Variants in MTHFD1L observed in about 807,000 individuals in gnomAD.
MTHFD1L encodes the protein monofunctional C1-tetrahydrofolate synthase, mitochondrial.
In MTHFD1L, 81 loss-of-function variants were observed where a neutral mutation model predicts 119.5. That is an observed-to-expected ratio of 0.68 (90% CI 0.57 to 0.82). The LOEUF is 0.82. Among genes scored for constraint, MTHFD1L ranks in the 40% least tolerant of loss-of-function variants. The pLI, the probability that MTHFD1L is intolerant of heterozygous loss-of-function variation, is 0.00. For missense variants in MTHFD1L, 1,125 were observed against 1,253.4 expected, an observed-to-expected ratio of 0.90 and a Z score of 1.55; for synonymous variants, 430 against 475.2, an observed-to-expected ratio of 0.90 and a Z score of 1.24.
chr6:151,024,073 C>A (rs568643415), intron 24 of MTHFD1L, among the ~76,000 whole-genome samples: 1 of 151,728 alleles, frequency 6.6e-6, no homozygotes, highest in Non-Finnish European at 1.5e-5. Context: ...CACAGGCTTC[C>A]AGTCTCCCCA....
At chr6:150,995,514 C>CA (rs71737990) in intron 20 of MTHFD1L, among the ~76,000 whole-genome samples, 23,808 of 114,582 alleles carry the variant, frequency 0.21, 2,311 homozygotes, top group Middle Eastern at 0.34. Flanking sequence ...AACTCCGTCT[C>CA]AAAAAAAAAA....
chr6:151,091,744 G>A (rs925097807), intron 26 of MTHFD1L, among the ~76,000 whole-genome samples: 9 of 152,056 alleles, frequency 5.9e-5, no homozygotes, highest in South Asian at 4.2e-4. Flanking sequence ...TGGCTGTGGC[G>A]GTATGGTAGT....
At chr6:151,054,258 G>C (rs1019654464) in intron 26 of MTHFD1L, among the ~76,000 whole-genome samples, 4 of 152,148 alleles carry the variant, frequency 2.6e-5, no homozygotes, top group African/African-American at 9.7e-5. Context: ...TCACGAAAAA[G>C]AACAGAAGGT....
chr6:151,069,197 G>A (rs1349305543), intron 26 of MTHFD1L, among the ~76,000 whole-genome samples: 1 of 151,082 alleles, frequency 6.6e-6, no homozygotes, highest in Non-Finnish European at 1.5e-5. Flanking sequence ...TTTTAGCCAC[G>A]GCTTCATTCC....
intron 7 of MTHFD1L, among the ~76,000 whole-genome samples, chr6:150,900,852 G>A (rs943545419): frequency 6.6e-6 from 1 of 150,878 alleles, no homozygotes; most frequent in Non-Finnish European, 1.5e-5. Context: ...TGTCTCTACT[G>A]AAAATACAAA....
Position 150,921,652 on chromosome 6 carries a change from A to G in MTHFD1L, c.985-553A>G, listed in dbSNP as rs539117385. 1.3e-4 allele frequency among the ~76,000 whole-genome samples: 19 copies of G among 151,898 alleles called. No individual in the cohort carries two copies. In the East Asian group the frequency reaches 1.6e-3, roughly 12 times the overall value. ...AGCCTCAAACTTCTGGGCTCAAACA[A>G]TCCTCCCACCTCAGCCTCCCGAGTA... On this transcript the variant is annotated intron_variant, in intron 9 of 27. Coordinates refer to ENST00000367321, the MANE Select transcript of MTHFD1L (RefSeq NM_015440.5).
At chr6:151,090,896 CCCATGCGACTGGGTGCAGCATCGTT>C (rs1562651236) in intron 26 of MTHFD1L, among the ~76,000 whole-genome samples, 16 of 66,340 alleles carry the variant, frequency 2.4e-4, no homozygotes, top group African/African-American at 4.0e-4. Flanking sequence ...GCAGCATTGC[CCCATGCGACTGGGTGCAGCATCGTT>C]CCATGCGACT....
At chr6:151,031,608 T>C (rs1341791100) in intron 24 of MTHFD1L, among the ~76,000 whole-genome samples, 1 of 152,276 alleles carries the variant, frequency 6.6e-6, no homozygotes, top group African/African-American at 2.4e-5. Context: ...TTTGACTTTA[T>C]AAATACTTGC....
At chr6:151,018,327 C>T (rs999608605) in intron 24 of MTHFD1L, among the ~76,000 whole-genome samples, 2 of 152,098 alleles carry the variant, frequency 1.3e-5, no homozygotes, top group African/African-American at 4.8e-5. Context: ...AGCTTAGCAG[C>T]GTTGTTGATA....
At chr6:151,073,914 T>C (rs1247122862) in intron 26 of MTHFD1L, among the ~76,000 whole-genome samples, 1 of 152,062 alleles carries the variant, frequency 6.6e-6, no homozygotes, top group Non-Finnish European at 1.5e-5. Context: ...GAAGAAATAA[T>C]GGGCAAAACG....
At chr6:150,979,268 G>A (rs1444300551) in intron 20 of MTHFD1L, among the ~76,000 whole-genome samples, 3 of 152,162 alleles carry the variant, frequency 2.0e-5, no homozygotes, top group African/African-American at 7.2e-5. Context: ...TGGGTGAGCT[G>A]TCTACAGCAG....
chr6:151,046,004 G>C (rs1282997704), intron 26 of MTHFD1L, among the ~76,000 whole-genome samples: 1 of 152,174 alleles, frequency 6.6e-6, no homozygotes, highest in Non-Finnish European at 1.5e-5. Context: ...ATATTGACAA[G>C]AAGAAGAAAG....
intron 19 of MTHFD1L, among the ~76,000 whole-genome samples, chr6:150,966,173 G>A (rs1185242017): frequency 1.3e-5 from 2 of 152,164 alleles, no homozygotes; most frequent in African/African-American, 4.8e-5. Context: ...AACTACCTGA[G>A]ACTGGGTAAT....
At chr6:150,947,725 T>G (rs1794216347) in intron 15 of MTHFD1L, among the ~76,000 whole-genome samples, 1 of 152,120 alleles carries the variant, frequency 6.6e-6, no homozygotes, top group Non-Finnish European at 1.5e-5. Context: ...ATCAATTATA[T>G]GGACAGACAG....
At chr6:151,001,212 G>C (rs1323482154) in intron 20 of MTHFD1L, among the ~76,000 whole-genome samples, 6 of 152,114 alleles carry the variant, frequency 3.9e-5, no homozygotes, top group Non-Finnish European at 8.8e-5. Context: ...GAGAAAAGTT[G>C]CTACCATTGT....
At position 150,888,890 on chromosome 6, in the gene MTHFD1L, A is replaced by G. The variant is rs184174668; in HGVS notation, c.780+909A>G. On this transcript the variant is annotated intron_variant, in intron 7 of 27. Transcript: ENST00000367321. ...ATCAGTGGGGAAAAGATTAACTATT[A>G]AAGGCCGGGCGTGGTGGCTCATGCC... 2.6e-3 allele frequency among the ~76,000 whole-genome samples: 403 copies of G among 152,216 alleles called. 1 individual carries two copies. Among genetic ancestry groups the G allele is most frequent in the South Asian group, 8.9e-3 (43 of 4,830 alleles).
At chr6:150,938,801 T>C in intron 13 of MTHFD1L, 56 bp downstream of exon 13, 1 of 1,556,212 alleles carries the variant, frequency 6.4e-7, no homozygotes, top group Admixed American at 1.9e-5. Flanking sequence ...CCTGACATCT[T>C]GTCTCTGCTC....
chr6:151,046,471 G>A (rs13195563), intron 26 of MTHFD1L, among the ~76,000 whole-genome samples: 631 of 36,316 alleles, frequency 0.017, 36 homozygotes, highest in Middle Eastern at 0.031. Context: ...ATGTGTGTGT[G>A]TATATATATA....
chr6:151,092,209 G>C (rs1469505922), intron 26 of MTHFD1L, among the ~76,000 whole-genome samples: 5 of 152,172 alleles, frequency 3.3e-5, no homozygotes, highest in Admixed American at 3.3e-4. Flanking sequence ...GAAGATCACT[G>C]TTTTGTAGTT....
Sources: allele counts gnomAD v4.1 joint callset (sites outside exome capture counted in the v4.1 genomes callset), GRCh38; gene constraint gnomAD v4.1.1; transcripts MANE v1.5; gene names NCBI Gene and HGNC (gene_info 2026-07-23, HGNC 2026-07-21).